The following DUOXA2 variants were observed in gnomAD, a reference collection of about 807,000 sequenced individuals.
The protein encoded by DUOXA2 is dual oxidase maturation factor 2.
A neutral mutation model predicts 27.6 loss-of-function variants in DUOXA2; 22 were observed. The ratio of observed to expected loss-of-function variants is 0.80; its 90% CI spans 0.57 to 1.14. DUOXA2 has a LOEUF of 1.14. Ranked by LOEUF, DUOXA2 falls within the 50% of genes most tolerant of loss-of-function variation. The pLI, the probability that DUOXA2 is intolerant of heterozygous loss-of-function variation, is 0.00. For synonymous variants in DUOXA2, 188 were observed against 184.4 expected (o/e 1.02, Z -0.16); for missense variants, 481 against 419.9 (o/e 1.15, Z -1.27).
intron 1 of DUOXA2, chr15:45,115,598 T>C (rs371454690): frequency 2.1e-5 from 15 of 713,386 alleles, no homozygotes; most frequent in African/African-American, 1.7e-4. Context: ...AGATGGGAAA[T>C]GGGGCTAGGG....
chr15:45,117,317 G>C lies in DUOXA2; in HGVS notation c.769+12G>C, dbSNP rs1298907614. The C allele has an allele frequency of 6.3e-7, 1 of 1,582,316 alleles. No individual in the cohort carries two copies. Among genetic ancestry groups the C allele is most frequent in the Admixed American group, 1.7e-5 (1 of 57,620 alleles). On this transcript the variant is annotated intron_variant, in intron 5 of 5. Transcript: ENST00000323030. ...CACGCTGGCAACCGGTGAGGACCGA[G>C]AGAATGGGCCCCGGGGGCTAAGGGT...
rs1051716864 is a variant in DUOXA2 at position 45,117,212 on chromosome 15, T to C, written c.676T>C (p.Ser226Pro). The change falls in exon 5 of 6, where the codon TCC becomes CCC. Residue 226 changes from serine to proline, a missense_variant. Physicochemically the swap from Ser to Pro is moderately conservative, Grantham distance 74 (BLOSUM62 -1). Transcript: ENST00000323030. Reference sequence around the variant, plus strand: ...GCTCTTCGGGGTCTTCGCCTTGGCCTCCATCTCTAGCGTGCCGCTCTGCCC... The same window carrying C: ...GCTCTTCGGGGTCTTCGCCTTGGCCCCCATCTCTAGCGTGCCGCTCTGCCC... ...FALFGVFALA[S>P]ISSVPLCPLR... is the part of the protein sequence containing the mutation. 6 of 1,609,628 alleles carry C rather than the reference T, an allele frequency of 3.7e-6. No individual in the cohort carries two copies. Among genetic ancestry groups the C allele is most frequent in the Non-Finnish European group, 5.1e-6 (6 of 1,179,770 alleles).
At position 45,114,757 on chromosome 15, in the gene DUOXA2, G is replaced by A; in HGVS notation, c.147+5G>A. On this transcript the variant is annotated splice_donor_5th_base_variant and intron_variant, in intron 1 of 5. Coordinates refer to ENST00000323030, the MANE Select transcript of DUOXA2 (RefSeq NM_207581.4). ...CCGGGGATCCGTGGCCACTCGGTAA[G>A]GGTGTCCTCATAGTGCAGGTAGAGT... is the stretch of plus-strand genomic sequence containing the variant. The A allele has an allele frequency of 3.7e-6, 6 of 1,614,204 alleles. No homozygotes were observed. The highest frequency in any genetic ancestry group is 5.1e-6 in the Non-Finnish European group (6 of 1,180,028).
At position 45,114,675 on chromosome 15, in the gene DUOXA2, C is replaced by G; in HGVS notation, c.70C>G (p.Leu24Val). Residue 24 changes from leucine to valine, a missense_variant, in exon 1 of 6, where the codon CTG becomes GTG. Physicochemically the swap from Leu to Val is conservative, Grantham distance 32. Transcript: ENST00000323030. ...PRHAAGFSVP[L>V]LIVILVFLAL... is the part of the protein sequence containing the mutation. Reference sequence around the variant, plus strand: ...GCATGCCGCAGGCTTCAGCGTTCCACTGCTCATCGTTATTCTAGTGTTTTT... The same window carrying G: ...GCATGCCGCAGGCTTCAGCGTTCCAGTGCTCATCGTTATTCTAGTGTTTTT... 1 of 1,614,246 alleles carries G rather than the reference C, an allele frequency of 6.2e-7. No individual in the cohort carries two copies. The highest frequency in any genetic ancestry group is 1.1e-5 in the South Asian group (1 of 91,086).
At chr15:45,115,336 T>C (rs1296678757) in intron 1 of DUOXA2, 1 of 421,270 alleles carries the variant, frequency 2.4e-6, no homozygotes, top group Non-Finnish European at 4.8e-6. Context: ...TCTTAATCTG[T>C]GTTGCTTTCC....
chr15:45,116,441 A>G lies in DUOXA2; in HGVS notation c.341-75A>G, dbSNP rs115251756. 1.3e-3 allele frequency: 2,112 copies of G among 1,583,710 alleles called. 35 individuals are homozygous for G. In the African/African-American group the frequency reaches 0.026, roughly 19 times the overall value. On this transcript the variant is annotated intron_variant, in intron 3 of 5. Coordinates refer to ENST00000323030, the MANE Select transcript of DUOXA2 (RefSeq NM_207581.4). ...CTCCCGCCGAGAGCGCCACACCCCC[A>G]CTTTCCTGTCTGAATCCGCTTAGTT... is the stretch of plus-strand genomic sequence containing the variant.
chr15:45,117,227 C>A lies in DUOXA2; in HGVS notation c.691C>A (p.Pro231Thr). Residue 231 changes from proline (P) to threonine (T), a missense_variant, in exon 5 of 6, where the codon CCG becomes ACG. Coordinates refer to ENST00000323030, the MANE Select transcript of DUOXA2 (RefSeq NM_207581.4). ...CGCCTTGGCCTCCATCTCTAGCGTG[C>A]CGCTCTGCCCGCTCCGCCTAGGCTC... ...VFALASISSV[P>T]LCPLRLGSSA... is the part of the protein sequence containing the mutation. The A allele has an allele frequency of 5.0e-6, 8 of 1,609,992 alleles. No individual in the cohort carries two copies. The highest frequency in any genetic ancestry group is 6.8e-6 in the Non-Finnish European group (8 of 1,179,640).
Position 45,114,769 on chromosome 15 carries a change from A to G in DUOXA2, c.147+17A>G, listed in dbSNP as rs1894561426. ...GGCCACTCGGTAAGGGTGTCCTCAT[A>G]GTGCAGGTAGAGTGGGGGAAGGCTC... On this transcript the variant is annotated intron_variant, in intron 1 of 5. Transcript: ENST00000323030. 1 of 1,614,026 alleles carries G rather than the reference A, an allele frequency of 6.2e-7. No individual in the cohort carries two copies. The highest frequency in any genetic ancestry group is 1.3e-5 in the African/African-American group (1 of 74,928).
intron 5 of DUOXA2, 181 bp downstream of exon 5, chr15:45,117,486 G>A (rs961329474): frequency 3.9e-6 from 6 of 1,551,692 alleles, no homozygotes; most frequent in Non-Finnish European, 5.2e-6. Context: ...GCTCAGAAGG[G>A]TTTGGTGTCT....
chr15:45,116,081 T>G (rs1894616052), intron 2 of DUOXA2, 43 bp from the exon 3 acceptor site: 7 of 1,613,074 alleles, frequency 4.3e-6, no homozygotes. Context: ...TAATTCCATT[T>G]TCCCACCCTC....
chr15:45,116,973 G>T, intron 4 of DUOXA2, 118 bp from the exon 5 acceptor site: 1 of 1,281,022 alleles, frequency 7.8e-7, no homozygotes, highest in Non-Finnish European at 1.1e-6. Context: ...CCCCTGCACC[G>T]CTGCCATCCC....
chr15:45,115,594 G>A, intron 1 of DUOXA2: 2 of 710,516 alleles, frequency 2.8e-6, no homozygotes, highest in South Asian at 1.5e-5. Flanking sequence ...GGGTAGATGG[G>A]AAATGGGGCT....
At position 45,118,045 on chromosome 15, in the gene DUOXA2, AC is replaced by A; in HGVS notation, c.*138del. 1 of 1,592,342 alleles carries A rather than the reference AC, an allele frequency of 6.3e-7. No homozygotes were observed. The highest frequency in any genetic ancestry group is 1.1e-5 in the South Asian group (1 of 89,842). On this transcript the variant is annotated 3_prime_UTR_variant, in exon 6 of 6. Transcript: ENST00000323030. Reference sequence around the variant, plus strand: ...CGCGAGGCCTCGGACATCCGCAGGCACCAGGGAAAGTCTCCTGGGGCGATCT... The same window carrying A: ...CGCGAGGCCTCGGACATCCGCAGGCACAGGGAAAGTCTCCTGGGGCGATCT...
At chr15:45,117,613 G>A (rs760211592) in intron 5 of DUOXA2, 103 bp from the exon 6 acceptor site, 3 of 1,613,468 alleles carry the variant, frequency 1.9e-6, no homozygotes, top group East Asian at 2.2e-5. Context: ...CACTTTGGGA[G>A]GTCGAGGCAG....
In DUOXA2 at chr15:45,118,392, G is replaced by C; in HGVS notation, c.*483G>C. 9.3e-7 allele frequency: 1 copy of C among 1,074,838 alleles called. No individual in the cohort carries two copies. The allele number at this position is 1,074,838 out of a possible 1,614,324, so 66.6% of individuals were successfully genotyped here. A position where few individuals can be genotyped will look rare whatever the true frequency, so the allele number is the denominator to read the frequency against. On this transcript the variant is annotated 3_prime_UTR_variant, in exon 6 of 6. Transcript: ENST00000323030. ...TCAGCTAGCCCAGCTGAGTGGGGTG[G>C]GAAGGAATAGCGTTTTGGAGTTGAT...
At chr15:45,116,945 C>A in intron 4 of DUOXA2, 146 bp from the exon 5 acceptor site, 1 of 1,131,300 alleles carries the variant, frequency 8.8e-7, no homozygotes, top group Non-Finnish European at 1.3e-6. Flanking sequence ...CAGGAGCCCG[C>A]TTCTCCCCCG....
At chr15:45,116,473 T>G in intron 3 of DUOXA2, 43 bp from the exon 4 acceptor site, 1 of 1,607,862 alleles carries the variant, frequency 6.2e-7, no homozygotes, top group South Asian at 1.1e-5. Context: ...AGTTGCGAGG[T>G]CTCCGACCGC....
In DUOXA2 at chr15:45,117,782, G is replaced by A. The variant is rs1275610426; in HGVS notation, c.836G>A (p.Arg279His). 2 of 1,613,940 alleles carry A rather than the reference G, an allele frequency of 1.2e-6. No individual in the cohort carries two copies. Among genetic ancestry groups the A allele is most frequent in the Non-Finnish European group, 1.7e-6 (2 of 1,180,018 alleles). ...CAGTATGTTCGGCCCAGCGCTCTTC[G>A]CACCCTTCTGGACCAAAGCGCCAAG... is the stretch of plus-strand genomic sequence containing the variant. ...SLQYVRPSAL[R>H]TLLDQSAKDC... is the part of the protein sequence containing the mutation. Residue 279 changes from arginine to histidine, a missense_variant, in exon 6 of 6, where the codon CGC becomes CAC. Physicochemically the swap from Arg to His is conservative, Grantham distance 29 (BLOSUM62 0). Transcript: ENST00000323030.
chr15:45,114,357 G>A lies in DUOXA2; in HGVS notation c.-249G>A. On this transcript the variant is annotated 5_prime_UTR_variant, in exon 1 of 6. Transcript: ENST00000323030. The stretch of plus-strand genomic sequence containing the variant: ...AACCCGCAGAACCAGGAAAGTAACG[G>A]CTACAGACAGTGAGAAATAGTTTCG... 1 of 567,682 alleles carries A rather than the reference G, an allele frequency of 1.8e-6. No individual in the cohort carries two copies. The highest frequency in any genetic ancestry group is 3.1e-6 in the Non-Finnish European group (1 of 317,822). 35.2% of individuals were successfully genotyped at this position (567,682 alleles called of 1,614,324 possible).
Sources: gnomAD v4.1 joint callset for allele counts on GRCh38, gnomAD v4.1.1 for gene constraint, MANE v1.5 for transcripts, NCBI Gene and HGNC (gene_info 2026-07-23, HGNC 2026-07-21) for gene names.